The following JAK1 variants were observed in gnomAD, a reference collection of about 807,000 sequenced individuals.
The protein encoded by JAK1 is tyrosine-protein kinase JAK1.
In JAK1, 16 loss-of-function variants were observed where a neutral mutation model predicts 136.6. The ratio of observed to expected loss-of-function variants is 0.12; its 90% CI spans 0.08 to 0.18. JAK1 has a LOEUF of 0.18. Among genes scored for constraint, JAK1 ranks in the 10% least tolerant of loss-of-function variants. The pLI is 1.00. For synonymous variants in JAK1, 492 were observed against 519.5 expected (o/e 0.95, Z 0.72); for missense variants, 859 against 1,450.1 (o/e 0.59, Z 6.62).
intron 4 of JAK1, among the ~76,000 whole-genome samples, chr1:64,874,626 G>A (rs1397179845): frequency 6.6e-6 from 1 of 152,146 alleles, no homozygotes; most frequent in Admixed American, 6.5e-5. Context: ...GTGACTAAGG[G>A]AAGTGACTGA....
chr1:64,918,921 T>A (rs1645446232), intron 1 of JAK1, among the ~76,000 whole-genome samples: 1 of 152,210 alleles, frequency 6.6e-6, no homozygotes, highest in Non-Finnish European at 1.5e-5. Flanking sequence ...CAGCAACTTT[T>A]TTTTCGAAGA....
intron 1 of JAK1, among the ~76,000 whole-genome samples, chr1:65,061,872 G>A (rs1056414617): frequency 1.3e-5 from 2 of 152,104 alleles, no homozygotes; most frequent in African/African-American, 4.8e-5. Context: ...AAAGAAATAG[G>A]CAGAAAGGCA....
intron 12 of JAK1, 57 bp downstream of exon 12, chr1:64,850,747 G>A: frequency 8.7e-7 from 1 of 1,144,042 alleles, no homozygotes; most frequent in Non-Finnish European, 1.3e-6. Context: ...TCCCCAAGCT[G>A]CTCCATCGTG....
At chr1:64,954,432 A>G (rs1005000835) in intron 1 of JAK1, among the ~76,000 whole-genome samples, 1 of 152,212 alleles carries the variant, frequency 6.6e-6, no homozygotes, top group African/African-American at 2.4e-5. Context: ...AATCCCACAG[A>G]GCTGGGAGGA....
At chr1:64,949,208 A>T (rs1441932108) in intron 1 of JAK1, among the ~76,000 whole-genome samples, 1 of 152,238 alleles carries the variant, frequency 6.6e-6, no homozygotes, top group Admixed American at 6.5e-5. Flanking sequence ...CACAGAAAAT[A>T]TCCCCACTAA....
At chr1:65,048,569 T>C (rs999292385) in intron 1 of JAK1, among the ~76,000 whole-genome samples, 1 of 152,224 alleles carries the variant, frequency 6.6e-6, no homozygotes, top group Non-Finnish European at 1.5e-5. Flanking sequence ...CCTTACTAGC[T>C]CCTTGGCTGC....
intron 4 of JAK1, chr1:64,876,345 G>A (rs762897959): frequency 1.3e-5 from 2 of 152,256 alleles, no homozygotes; most frequent in Non-Finnish European, 2.9e-5. Context: ...TCTGAACAAC[G>A]ATATTCTTCC....
intron 2 of JAK1, among the ~76,000 whole-genome samples, chr1:64,983,863 A>T (rs1646573117): frequency 6.6e-6 from 1 of 152,262 alleles, no homozygotes; most frequent in Non-Finnish European, 1.5e-5. Context: ...TTATATAGGC[A>T]TATGACTTTT....
chr1:65,036,316 T>C (rs1398794722), intron 2 of JAK1, among the ~76,000 whole-genome samples: 1 of 151,972 alleles, frequency 6.6e-6, no homozygotes, highest in East Asian at 1.9e-4. Flanking sequence ...ACATCTGTAG[T>C]CCTAGCTGCT....
intron 1 of JAK1, among the ~76,000 whole-genome samples, chr1:64,930,927 TC>T (rs1458047050): frequency 1.3e-5 from 2 of 150,804 alleles, no homozygotes; most frequent in African/African-American, 4.9e-5. Context: ...ATGTTCTCAC[TC>T]ATAAGTGGGA....
Position 64,959,757 on chromosome 1 carries a change from T to C in JAK1, c.-78+6576A>G, listed in dbSNP as rs187051607. ...GCACTGTCTACGTAATAAACCCTTC[T>C]AGATTTGAGAAACTGCCTTCTTTTT... On this transcript the variant is annotated intron_variant, in intron 1 of 24. Transcript: ENST00000342505. Among the ~76,000 whole-genome samples, 190 of 152,350 alleles carry C rather than the reference T, an allele frequency of 1.2e-3. 2 individuals carry two copies. The highest frequency in any genetic ancestry group is 0.01 in the South Asian group (50 of 4,826).
intron 1 of JAK1, among the ~76,000 whole-genome samples, chr1:65,056,661 T>C (rs1384880617): frequency 2.6e-5 from 4 of 152,154 alleles, no homozygotes; most frequent in Non-Finnish European, 4.4e-5. Context: ...AGTGGCTCAA[T>C]GCCTGTAATC....
At chr1:64,856,918 T>G (rs1246228783) in intron 10 of JAK1, among the ~76,000 whole-genome samples, 2 of 152,216 alleles carry the variant, frequency 1.3e-5, no homozygotes, top group African/African-American at 4.8e-5. Flanking sequence ...TCCCCATGCA[T>G]GTGGAGCCTA....
intron 2 of JAK1, among the ~76,000 whole-genome samples, chr1:64,980,181 G>A (rs920443576): frequency 1.3e-5 from 2 of 152,138 alleles, no homozygotes; most frequent in African/African-American, 4.8e-5. Context: ...GTTTGTTGCT[G>A]AAAGATCTGG....
intron 1 of JAK1, among the ~76,000 whole-genome samples, chr1:65,050,665 A>G (rs1647259139): frequency 6.6e-6 from 1 of 152,262 alleles, no homozygotes; most frequent in South Asian, 2.1e-4. Flanking sequence ...AGGTAACTCC[A>G]GCTGAAGAGT....
chr1:64,919,804 C>T (rs1204601961), intron 1 of JAK1, among the ~76,000 whole-genome samples: 1 of 152,104 alleles, frequency 6.6e-6, no homozygotes, highest in Non-Finnish European at 1.5e-5. Flanking sequence ...CCTAATGAGT[C>T]TTTCAAGTAG....
At chr1:65,007,529 C>T (rs1354606859) in intron 2 of JAK1, among the ~76,000 whole-genome samples, 2 of 152,100 alleles carry the variant, frequency 1.3e-5, no homozygotes, top group Admixed American at 1.3e-4. Context: ...GGTGCAATCT[C>T]AGCTCACCGC....
chr1:64,840,764 T>G (rs1240404583), intron 19 of JAK1, among the ~76,000 whole-genome samples: 2 of 151,426 alleles, frequency 1.3e-5, no homozygotes, highest in Non-Finnish European at 2.9e-5. Context: ...CCTGGGAAGT[T>G]GAGGCTGCAG....
intron 1 of JAK1, among the ~76,000 whole-genome samples, chr1:64,929,280 T>C (rs1161809350): frequency 6.6e-6 from 1 of 152,232 alleles, no homozygotes; most frequent in African/African-American, 2.4e-5. Context: ...CAGTTTGTAA[T>C]AAAGAATGAA....
Sources: allele counts gnomAD v4.1 joint callset (sites outside exome capture counted in the v4.1 genomes callset), GRCh38; gene constraint gnomAD v4.1.1; transcripts MANE v1.5; gene names NCBI Gene and HGNC (gene_info 2026-07-23, HGNC 2026-07-21).